ABCC4: variants seen among roughly 807,000 people sequenced by gnomAD.
ABCC4 encodes ATP binding cassette subfamily C member 4 (PEL blood group), also known as ATP-binding cassette sub-family C member 4.
ABCC4 carries 102 observed loss-of-function variants against 168.5 expected under a neutral mutation model. That is an observed-to-expected ratio of 0.61 (90% CI 0.52 to 0.71). The LOEUF (loss-of-function observed/expected upper bound fraction) is 0.71, where lower values mean the gene tolerates loss of function less well. ABCC4 is among the 30% of genes least tolerant of loss of function. The probability of loss-of-function intolerance (pLI) is 0.00; values close to 1 mark genes in which losing one functional copy is unlikely to be tolerated. For synonymous variants in ABCC4, 617 were observed against 590.7 expected (o/e 1.04, Z -0.65); for missense variants, 1,402 against 1,605.8 (o/e 0.87, Z 2.17).
intron 3 of ABCC4, among the ~76,000 whole-genome samples, chr13:95,243,845 C>G (rs976558552): frequency 1.8e-4 from 27 of 151,540 alleles, no homozygotes; most frequent in Non-Finnish European, 8.8e-5. Flanking sequence ...GAGATCACAC[C>G]ACTGCACTCC....
intron 8 of ABCC4, among the ~76,000 whole-genome samples, chr13:95,197,470 G>T (rs2038489835): frequency 1.3e-5 from 2 of 152,152 alleles, no homozygotes; most frequent in Admixed American, 1.3e-4. Context: ...GATCTGAGTG[G>T]AGACAGACAT....
At chr13:95,142,361 A>G (rs1426627751) in intron 19 of ABCC4, among the ~76,000 whole-genome samples, 3 of 152,224 alleles carry the variant, frequency 2.0e-5, no homozygotes, top group Non-Finnish European at 4.4e-5. Flanking sequence ...TTCTCAACTC[A>G]TAAGTAGGAG....
chr13:95,049,508 G>A (rs934485705), intron 27 of ABCC4, among the ~76,000 whole-genome samples: 2 of 151,886 alleles, frequency 1.3e-5, no homozygotes, highest in African/African-American at 4.8e-5. Flanking sequence ...CGGCATGGTG[G>A]CAGGCACCTG....
At chr13:95,150,245 A>G (rs1159140750) in intron 19 of ABCC4, among the ~76,000 whole-genome samples, 1 of 152,128 alleles carries the variant, frequency 6.6e-6, no homozygotes. Context: ...ATTATATGAC[A>G]TGAGCCACCA....
At chr13:95,039,857 C>T (rs1209519828) in intron 29 of ABCC4, among the ~76,000 whole-genome samples, 1 of 152,122 alleles carries the variant, frequency 6.6e-6, no homozygotes, top group East Asian at 1.9e-4. Context: ...TAAAGCCTGA[C>T]CATAGGAAAA....
At chr13:95,031,355 A>G (rs2031868245) in intron 30 of ABCC4, among the ~76,000 whole-genome samples, 2 of 152,190 alleles carry the variant, frequency 1.3e-5, no homozygotes, top group South Asian at 4.1e-4. Context: ...TTGGATACCA[A>G]ATGAGACAAG....
chr13:95,263,408 G>C (rs1038810182), intron 1 of ABCC4, among the ~76,000 whole-genome samples: 1 of 152,100 alleles, frequency 6.6e-6, no homozygotes, highest in Non-Finnish European at 1.5e-5. Context: ...ATATGTATAT[G>C]TGTGTGTATA....
At chr13:95,126,863 T>C (rs1407220173) in intron 19 of ABCC4, among the ~76,000 whole-genome samples, 1 of 147,464 alleles carries the variant, frequency 6.8e-6, no homozygotes, top group Non-Finnish European at 1.5e-5. Context: ...TATATTTATA[T>C]ATATTTAAGT....
At chr13:95,111,445 T>C (rs909560362) in intron 20 of ABCC4, among the ~76,000 whole-genome samples, 1 of 152,222 alleles carries the variant, frequency 6.6e-6, no homozygotes, top group Non-Finnish European at 1.5e-5. Context: ...TTATATCTTA[T>C]GATATATTCA....
chr13:95,290,858 G>A (rs1166735221), intron 1 of ABCC4, among the ~76,000 whole-genome samples: 1 of 146,142 alleles, frequency 6.8e-6, no homozygotes, highest in African/African-American at 2.4e-5. Flanking sequence ...TTAGCCGGGT[G>A]TGGTGGCAAG....
At chr13:95,295,316 G>C (rs748519893) in intron 1 of ABCC4, among the ~76,000 whole-genome samples, 2 of 151,682 alleles carry the variant, frequency 1.3e-5, no homozygotes, top group Non-Finnish European at 2.9e-5. Context: ...AAGAGTTTAA[G>C]ACCAACATGG....
At chr13:95,208,524 A>G (rs947486303) in intron 6 of ABCC4, among the ~76,000 whole-genome samples, 1 of 151,858 alleles carries the variant, frequency 6.6e-6, no homozygotes, top group African/African-American at 2.4e-5. Flanking sequence ...CAACCTTGAC[A>G]ATGAACCATT....
chr13:95,126,003 G>C (rs73559643), intron 19 of ABCC4, among the ~76,000 whole-genome samples: 4,739 of 152,218 alleles, frequency 0.031, 220 homozygotes, highest in African/African-American at 0.11. Context: ...GAGTGTTTTC[G>C]CTTGGAAATG....
intron 1 of ABCC4, among the ~76,000 whole-genome samples, chr13:95,256,394 G>A (rs1398621293): frequency 6.6e-6 from 1 of 152,254 alleles, no homozygotes; most frequent in Non-Finnish European, 1.5e-5. Context: ...CCACCTGCTA[G>A]ATGCAGGGCT....
chr13:95,277,470 A>T (rs2041000380), intron 1 of ABCC4, among the ~76,000 whole-genome samples: 6 of 151,766 alleles, frequency 4.0e-5, no homozygotes, highest in Admixed American at 3.9e-4. Flanking sequence ...AATCTCAGTT[A>T]TTTGGGAGCC....
At chr13:95,062,511 G>C (rs5029025) in intron 26 of ABCC4, among the ~76,000 whole-genome samples, 193 bp downstream of exon 26, 75,966 of 131,416 alleles carry the variant, frequency 0.58, 20,031 homozygotes, top group South Asian at 0.73. Context: ...CACACACAGA[G>C]AGAGAGAGAA....
intron 1 of ABCC4, among the ~76,000 whole-genome samples, chr13:95,287,998 C>A (rs904620067): frequency 6.6e-6 from 1 of 150,976 alleles, no homozygotes; most frequent in Admixed American, 6.6e-5. Context: ...GCCGAAATCG[C>A]ACCACTGCAC....
At chr13:95,089,805 GA>G (rs2034373800) in intron 20 of ABCC4, among the ~76,000 whole-genome samples, 1 of 151,784 alleles carries the variant, frequency 6.6e-6, no homozygotes, top group African/African-American at 2.4e-5. Context: ...TTGAACCCAG[GA>G]GATGAAAGTT....
At position 95,123,549 on chromosome 13, in the gene ABCC4, A is replaced by G. The variant is rs144101056; in HGVS notation, c.2456-7548T>C. Among the ~76,000 whole-genome samples, 1,481 of 152,156 alleles carry G rather than the reference A, an allele frequency of 9.7e-3. 27 individuals are homozygous for G. The highest frequency in any genetic ancestry group is 0.034 in the African/African-American group (1,417 of 41,508). ...GCAAATTTTTGTATTTTTAGTAGAG[A>G]CGGGGTTTCACCATGTTGGCTGGGC... On this transcript the variant is annotated intron_variant, in intron 19 of 30. Transcript: ENST00000645237.
Sources: gnomAD v4.1 joint callset for allele counts (sites outside exome capture counted in the v4.1 genomes callset) on GRCh38, gnomAD v4.1.1 for gene constraint, MANE v1.5 for transcripts, NCBI Gene and HGNC (gene_info 2026-07-23, HGNC 2026-07-21) for gene names.